The following ESRRG variants were observed in gnomAD, a reference collection of about 807,000 sequenced individuals.
ESRRG encodes the protein estrogen-related receptor gamma.
A neutral mutation model predicts 44.0 loss-of-function variants in ESRRG; 13 were observed. The ratio of observed to expected loss-of-function variants is 0.30; its 90% CI spans 0.19 to 0.47. The LOEUF (loss-of-function observed/expected upper bound fraction) is 0.47, where lower values mean the gene tolerates loss of function less well. ESRRG is among the 20% of genes least tolerant of loss of function. The pLI is 1.00. For synonymous variants in ESRRG, 215 were observed against 214.6 expected, an observed-to-expected ratio of 1.00 and a Z score of -0.02; for missense variants, 395 against 580.6, an observed-to-expected ratio of 0.68 and a Z score of 3.29.
intron 1 of ESRRG, among the ~76,000 whole-genome samples, chr1:216,712,593 G>A (rs1268608538): frequency 6.6e-6 from 1 of 152,182 alleles, no homozygotes; most frequent in Non-Finnish European, 1.5e-5. Flanking sequence ...TCCCAGCACT[G>A]CTGCTAAGCT....
chr1:216,693,533 T>C (rs150197714), intron 1 of ESRRG, among the ~76,000 whole-genome samples: 67 of 152,342 alleles, frequency 4.4e-4, no homozygotes, highest in African/African-American at 1.6e-3. Flanking sequence ...AAGTCCCATA[T>C]ATAAATTGAT....
intron 2 of ESRRG, among the ~76,000 whole-genome samples, chr1:216,801,860 A>G (rs2813664): frequency 0.76 from 115,723 of 152,036 alleles, 44,964 homozygotes; most frequent in Non-Finnish European, 0.85. Context: ...ACTTCAGAGG[A>G]AATCCTGCTT....
At chr1:216,874,020 G>T (rs1420099816) in intron 2 of ESRRG, among the ~76,000 whole-genome samples, 8 of 127,648 alleles carry the variant, frequency 6.3e-5, no homozygotes, top group Non-Finnish European at 1.3e-4. Flanking sequence ...GGTTGGGAGG[G>T]AGGGAGTGGG....
At chr1:216,776,635 T>C (rs2093626752) in intron 2 of ESRRG, among the ~76,000 whole-genome samples, 1 of 152,150 alleles carries the variant, frequency 6.6e-6, no homozygotes, top group South Asian at 2.1e-4. Context: ...TTACAGTATG[T>C]TGGCATGGAC....
At chr1:216,942,959 T>C (rs887585005) in intron 1 of ESRRG, among the ~76,000 whole-genome samples, 19 of 152,262 alleles carry the variant, frequency 1.2e-4, no homozygotes, top group African/African-American at 4.6e-4. Context: ...AGTTTTAAAA[T>C]GTAGACTGAC....
intron 1 of ESRRG, among the ~76,000 whole-genome samples, chr1:216,972,013 G>A (rs551437063): frequency 5.3e-5 from 8 of 152,268 alleles, no homozygotes; most frequent in Admixed American, 1.3e-4. Context: ...TTTGAGGTTA[G>A]GGTGTTTAGA....
intron 3 of ESRRG, among the ~76,000 whole-genome samples, chr1:216,639,704 T>C (rs1430779695): frequency 6.6e-6 from 1 of 152,160 alleles, no homozygotes. Flanking sequence ...TAGAAAAGAT[T>C]TAATAGATGA....
At chr1:217,005,026 C>A (rs761240557) in intron 1 of ESRRG, among the ~76,000 whole-genome samples, 8 of 152,008 alleles carry the variant, frequency 5.3e-5, no homozygotes, top group African/African-American at 1.2e-4. Flanking sequence ...CTATTTATTG[C>A]CGATCAGAAT....
rs1022265691 is a variant in ESRRG, at chr1:217,123,781, T to C, written c.-230+13886A>G. 2.0e-5 allele frequency among the ~76,000 whole-genome samples: 3 copies of C among 151,898 alleles called. No individual in the cohort carries two copies. In the South Asian group the frequency reaches 6.2e-4, roughly 32 times the overall value. ...GAGAGTAGGGGGGCAGCAAGAGCATTAGGGAAAAGAGCTAATGCATGCTGG... is the reference window on the plus strand; with the variant it reads ...GAGAGTAGGGGGGCAGCAAGAGCATCAGGGAAAAGAGCTAATGCATGCTGG... On this transcript the variant is annotated intron_variant, in intron 1 of 8. Transcript: ENST00000366940.
chr1:216,732,957 T>A (rs760341948), intron 2 of ESRRG, among the ~76,000 whole-genome samples: 25 of 152,104 alleles, frequency 1.6e-4, no homozygotes, highest in Non-Finnish European at 3.5e-4. Context: ...CTTTCCCAAG[T>A]TTCCCAGCCA....
intron 2 of ESRRG, among the ~76,000 whole-genome samples, chr1:216,773,782 G>T (rs999731772): frequency 1.3e-5 from 2 of 152,132 alleles, no homozygotes; most frequent in African/African-American, 2.4e-5. Flanking sequence ...GGGAGTAAAA[G>T]GTATTAATAG....
At chr1:216,649,086 A>T (rs1461799102) in intron 3 of ESRRG, among the ~76,000 whole-genome samples, 1 of 152,048 alleles carries the variant, frequency 6.6e-6, no homozygotes, top group East Asian at 1.9e-4. Context: ...CTGAAAGAAA[A>T]ACTCTGTCAT....
At chr1:217,131,340 A>T (rs1036040004) in intron 1 of ESRRG, among the ~76,000 whole-genome samples, 107 of 152,346 alleles carry the variant, frequency 7.0e-4, no homozygotes, top group African/African-American at 2.5e-3. Context: ...AAGAAAAAAA[A>T]AAACAGTGAG....
chr1:217,062,300 T>A (rs2088691882), intron 1 of ESRRG, among the ~76,000 whole-genome samples: 1 of 152,154 alleles, frequency 6.6e-6, no homozygotes, highest in South Asian at 2.1e-4. Context: ...AGCAATGACA[T>A]ACCGTGTGAG....
chr1:216,680,376 T>A (rs1026486912), intron 1 of ESRRG, among the ~76,000 whole-genome samples: 2 of 152,214 alleles, frequency 1.3e-5, no homozygotes, highest in Non-Finnish European at 2.9e-5. Context: ...AACTCAGGCC[T>A]GACTTCAAAG....
chr1:216,762,956 A>G (rs1463248180), intron 2 of ESRRG, among the ~76,000 whole-genome samples: 1 of 152,122 alleles, frequency 6.6e-6, no homozygotes, highest in African/African-American at 2.4e-5. Context: ...CAAGCATGTA[A>G]CAAATGATTT....
intron 2 of ESRRG, among the ~76,000 whole-genome samples, chr1:216,741,959 CTTCT>C (rs2090792333): frequency 6.6e-6 from 1 of 152,232 alleles, no homozygotes; most frequent in African/African-American, 2.4e-5. Flanking sequence ...TGTTTTTCTG[CTTCT>C]TTCTAATTCA....
rs138511564 is a variant in ESRRG at position 217,108,548 on chromosome 1, G to A, written c.-230+29119C>T. On this transcript the variant is annotated intron_variant, in intron 1 of 8. Coordinates refer to the ESRRG transcript ENST00000366940. ...GGTGTGAGGTGATTGGATCATGGAG[G>A]CAGAATTCTCATGAATGGTTTAGCA... Among the ~76,000 whole-genome samples the A allele has an allele frequency of 2.4e-3, 359 of 152,130 alleles. 3 individuals are homozygous for A. The highest frequency in any genetic ancestry group is 0.02 in the East Asian group (103 of 5,166).
At chr1:216,671,131 G>A (rs927222981) in intron 2 of ESRRG, among the ~76,000 whole-genome samples, 1 of 152,176 alleles carries the variant, frequency 6.6e-6, no homozygotes, top group Non-Finnish European at 1.5e-5. Context: ...GGGAAGATAT[G>A]CTACTACTTC....
Sources: allele counts gnomAD v4.1 joint callset (sites outside exome capture counted in the v4.1 genomes callset), GRCh38; gene constraint gnomAD v4.1.1; transcripts MANE v1.5; gene names NCBI Gene and HGNC (gene_info 2026-07-23, HGNC 2026-07-21).